TAFA4: variants seen among roughly 807,000 people sequenced by gnomAD.
TAFA4 encodes the protein TAFA chemokine like family member 4, also known as chemokine-like protein TAFA-4.
In TAFA4, 20 loss-of-function variants were observed where a neutral mutation model predicts 21.1. That is an observed-to-expected ratio of 0.95 (90% CI 0.67 to 1.38). The LOEUF is 1.38. Among genes scored for constraint, TAFA4 ranks in the 40% most tolerant of loss-of-function variants. TAFA4 has a pLI of 0.00. For synonymous variants in TAFA4, 71 were observed against 67.4 expected, an observed-to-expected ratio of 1.05 and a Z score of -0.26; for missense variants, 211 against 180.9, an observed-to-expected ratio of 1.17 and a Z score of -0.95.
rs529950256 is a variant in TAFA4, at chr3:68,864,395, A to G, written c.130+16335T>C. Among the ~76,000 whole-genome samples, 233 of 152,278 alleles carry G rather than the reference A, an allele frequency of 1.5e-3. 1 individual carries two copies. Among genetic ancestry groups the G allele is most frequent in the African/African-American group, 5.4e-3 (223 of 41,584 alleles). ...TCATGCAAATTAAATCTGCAATATG[A>G]TATCACCACACACCTATTAAAAATG... On this transcript the variant is annotated intron_variant, in intron 3 of 5. Coordinates refer to ENST00000295569, the MANE Select transcript of TAFA4 (RefSeq NM_182522.5).
chr3:68,757,061 TGGTCATTGTCTCAGTC>T (rs1702672743), intron 3 of TAFA4, among the ~76,000 whole-genome samples: 1 of 152,142 alleles, frequency 6.6e-6, no homozygotes, highest in South Asian at 2.1e-4. Context: ...GTCCTCCCAT[TGGTCATTGTCTCAGTC>T]TGCTTGGGCT....
intron 3 of TAFA4, among the ~76,000 whole-genome samples, chr3:68,846,174 C>G (rs1704787307): frequency 1.3e-5 from 2 of 152,050 alleles, no homozygotes; most frequent in African/African-American, 4.8e-5. Context: ...ATTTGTTCTT[C>G]TCACATAGTC....
At chr3:68,811,333 G>A (rs1703833354) in intron 3 of TAFA4, among the ~76,000 whole-genome samples, 1 of 152,180 alleles carries the variant, frequency 6.6e-6, no homozygotes, top group Non-Finnish European at 1.5e-5. Flanking sequence ...GAATGACTTC[G>A]ACAAGCTGAG....
intron 3 of TAFA4, among the ~76,000 whole-genome samples, chr3:68,842,722 A>G (rs1326761217): frequency 2.0e-5 from 3 of 152,128 alleles, no homozygotes; most frequent in African/African-American, 7.2e-5. Context: ...ATTTTTGTGT[A>G]AAGTGTAAGG....
rs55853026 is a variant in TAFA4 at position 68,917,753 on chromosome 3, C to CAAAAA, written c.-123+14482_-123+14486dup. ...TGGACGACAGAGCGAGACTCTGTCT[C>CAAAAA]AAAAAAAAAAAAAAAAAAAAGAAAG... On this transcript the variant is annotated intron_variant, in intron 1 of 5. Coordinates refer to ENST00000295569, the MANE Select transcript of TAFA4 (RefSeq NM_182522.5). Among the ~76,000 whole-genome samples, 19 of 58,158 alleles carry CAAAAA rather than the reference C, an allele frequency of 3.3e-4. 1 individual carries two copies. The highest frequency in any genetic ancestry group is 8.6e-4 in the Admixed American group (4 of 4,642). 38.2% of individuals were successfully genotyped at this position (58,158 alleles called of 152,430 possible).
chr3:68,930,936 C>T (rs2090152292), intron 1 of TAFA4, among the ~76,000 whole-genome samples: 3 of 152,216 alleles, frequency 2.0e-5, no homozygotes, highest in African/African-American at 7.2e-5. Context: ...AAATCCAAGG[C>T]CTTCCTGAAC....
At chr3:68,927,009 C>T (rs2090114017) in intron 1 of TAFA4, among the ~76,000 whole-genome samples, 1 of 152,202 alleles carries the variant, frequency 6.6e-6, no homozygotes, top group African/African-American at 2.4e-5. Flanking sequence ...CCTCTACCCA[C>T]GAGAGACTGC....
chr3:68,845,329 AC>A (rs1264455459), intron 3 of TAFA4, among the ~76,000 whole-genome samples: 6 of 147,818 alleles, frequency 4.1e-5, no homozygotes, highest in African/African-American at 1.5e-4. Context: ...TAGTATTGCA[AC>A]CCCTACTTTT....
At chr3:68,864,034 C>A (rs968729077) in intron 3 of TAFA4, among the ~76,000 whole-genome samples, 3 of 151,646 alleles carry the variant, frequency 2.0e-5, no homozygotes, top group Non-Finnish European at 4.4e-5. Flanking sequence ...CCTGTGTGAT[C>A]TCGGATTGGG....
At position 68,785,635 on chromosome 3, in the gene TAFA4, G is replaced by A. The variant is rs115686445; in HGVS notation, c.131-32617C>T. On this transcript the variant is annotated intron_variant, in intron 3 of 5. Transcript: ENST00000295569. ...AGCACCGCGTGCAGCCCCGGTTCCC[G>A]TCCGCACCTCTCCCTCCATACCTCC... Among the ~76,000 whole-genome samples the A allele has an allele frequency of 7.7e-3, 1,178 of 152,328 alleles. 17 individuals are homozygous for A. The highest frequency in any genetic ancestry group is 0.027 in the African/African-American group (1,110 of 41,582).
chr3:68,800,780 T>C lies in TAFA4; in HGVS notation c.131-47762A>G, dbSNP rs146613549. On this transcript the variant is annotated intron_variant, in intron 3 of 5. Transcript: ENST00000295569. ...AGGAGAAAAGAAAGTCAAGTTCTTC[T>C]ACGTGTGCATATTCCACAAATTTAA... Among the ~76,000 whole-genome samples the C allele has an allele frequency of 3.7e-3, 564 of 152,364 alleles. 2 individuals carry two copies. Among genetic ancestry groups the C allele is most frequent in the Non-Finnish European group, 6.1e-3 (414 of 68,036 alleles).
intron 3 of TAFA4, among the ~76,000 whole-genome samples, chr3:68,855,518 T>C (rs563152177): frequency 6.6e-6 from 1 of 152,064 alleles, no homozygotes; most frequent in South Asian, 2.1e-4. Flanking sequence ...ACACACATAC[T>C]ATGGAAAAAC....
intron 3 of TAFA4, among the ~76,000 whole-genome samples, chr3:68,779,941 C>A (rs1417924587): frequency 6.6e-6 from 1 of 152,184 alleles, no homozygotes. Context: ...ATGAAAGCAG[C>A]TGAGAGGAGG....
At chr3:68,846,892 G>A (rs933068085) in intron 3 of TAFA4, among the ~76,000 whole-genome samples, 2 of 151,506 alleles carry the variant, frequency 1.3e-5, no homozygotes, top group Admixed American at 1.3e-4. Flanking sequence ...TCCTCTGGAA[G>A]CTTCATCCCA....
chr3:68,816,086 G>C (rs1429439728), intron 3 of TAFA4, among the ~76,000 whole-genome samples: 1 of 151,968 alleles, frequency 6.6e-6, no homozygotes, highest in Non-Finnish European at 1.5e-5. Flanking sequence ...AACACCGCAT[G>C]TTCTAACTCA....
chr3:68,751,887 C>A (rs1287117010), intron 4 of TAFA4, among the ~76,000 whole-genome samples: 1 of 152,152 alleles, frequency 6.6e-6, no homozygotes, highest in African/African-American at 2.4e-5. Context: ...CATTTGGCCC[C>A]CAAAGTTTCT....
At chr3:68,873,950 T>A (rs9814535) in intron 3 of TAFA4, among the ~76,000 whole-genome samples, 3,591 of 152,264 alleles carry the variant, frequency 0.024, 152 homozygotes, top group African/African-American at 0.082. Context: ...GATGAGCTAC[T>A]GAAAAATTGC....
chr3:68,889,645 TC>T (rs2089711416), intron 1 of TAFA4, among the ~76,000 whole-genome samples: 1 of 152,130 alleles, frequency 6.6e-6, no homozygotes, highest in Non-Finnish European at 1.5e-5. Flanking sequence ...AAATACCAGT[TC>T]CTCTTAAAAT....
chr3:68,758,901 A>C (rs148619954), intron 3 of TAFA4, among the ~76,000 whole-genome samples: 2 of 152,210 alleles, frequency 1.3e-5, no homozygotes, highest in African/African-American at 4.8e-5. Context: ...GAAAAAGAGA[A>C]GTATTTTAAG....
Sources: gnomAD v4.1 joint callset for allele counts (sites outside exome capture counted in the v4.1 genomes callset) on GRCh38, gnomAD v4.1.1 for gene constraint, MANE v1.5 for transcripts, NCBI Gene and HGNC (gene_info 2026-07-23, HGNC 2026-07-21) for gene names.